KCNC4: variants seen among roughly 807,000 people sequenced by gnomAD.
KCNC4 encodes potassium voltage-gated channel subfamily C member 4.
Under a neutral mutation model 42.8 loss-of-function variants are expected in KCNC4, and 23 were observed. That is an observed-to-expected ratio of 0.54 (90% CI 0.39 to 0.76). The LOEUF (loss-of-function observed/expected upper bound fraction) is 0.76, where lower values mean the gene tolerates loss of function less well. Ranked by LOEUF, KCNC4 falls within the 30% of genes least tolerant of loss-of-function variation. KCNC4 has a pLI of 0.00. For synonymous variants in KCNC4, 422 were observed against 393.5 expected, an observed-to-expected ratio of 1.07 and a Z score of -0.86; for missense variants, 751 against 898.2, an observed-to-expected ratio of 0.84 and a Z score of 2.10.
intron 3 of KCNC4, among the ~76,000 whole-genome samples, chr1:110,231,011 A>G (rs951833112): frequency 1.8e-4 from 28 of 152,274 alleles, no homozygotes; most frequent in Middle Eastern, 6.8e-3. Flanking sequence ...TGCACCCACT[A>G]CTTTGTTGTC....
rs2101024590 is a variant in KCNC4 at position 110,226,158 on chromosome 1, C to T, written c.1799C>T (p.Ala600Val). 1 of 1,614,150 alleles carries T rather than the reference C, an allele frequency of 6.2e-7. No individual in the cohort carries two copies. Among genetic ancestry groups the T allele is most frequent in the East Asian group, 2.2e-5 (1 of 44,854 alleles). ...CTCAGCACTGGGGACTATGCCTGCG[C>T]CGATGGTAGTGTCCGGAAAGGTATG... ...FLLSTGDYACADGSVRKETCQ... is the reference protein window; with the variant it reads ...FLLSTGDYACVDGSVRKETCQ... The change falls in exon 3 of 4, where the codon GCC becomes GTC. Residue 600 changes from alanine to valine, a missense_variant. Ala to Val is a moderately conservative substitution (Grantham distance 64). Around this residue, in one of 4 missense-constraint regions of KCNC4, gnomAD observed 202 missense variants for 181.5 expected, o/e 1.11. Coordinates refer to ENST00000438661, the MANE Select transcript of KCNC4 (RefSeq NM_001039574.3).
downstream of KCNC4, among the ~76,000 whole-genome samples, chr1:110,249,395 G>C (rs937808926): frequency 2.0e-5 from 3 of 152,216 alleles, no homozygotes; most frequent in Non-Finnish European, 4.4e-5. Flanking sequence ...TCCTTGAGGA[G>C]AGAAGCTGTT....
At chr1:110,276,361 G>A (rs1197109407) in intron 1 of KCNC4, among the ~76,000 whole-genome samples, 1 of 150,672 alleles carries the variant, frequency 6.6e-6, no homozygotes, top group Non-Finnish European at 1.5e-5. Context: ...GTGAAGAATG[G>A]GTTAATAGAA....
Position 110,210,408 on chromosome 1 carries a change from A to G in KCNC4, c.-1092A>G, listed in dbSNP as rs905851982. ...GCCGAGGCGCCCCCTCCCCTATGCC[A>G]CCTCGCGCCCGCCCCCTGCCGCGCG... On this transcript the variant is annotated 5_prime_UTR_variant, in exon 1 of 4. Transcript: ENST00000438661. Among the ~76,000 whole-genome samples, 2 of 150,878 alleles carry G rather than the reference A, an allele frequency of 1.3e-5. No individual in the cohort carries two copies. The highest frequency in any genetic ancestry group is 4.9e-5 in the African/African-American group (2 of 41,056).
chr1:110,231,883 G>A (rs1001948714), intron 3 of KCNC4, among the ~76,000 whole-genome samples: 3 of 152,188 alleles, frequency 2.0e-5, no homozygotes, highest in Non-Finnish European at 4.4e-5. Flanking sequence ...TCCCTAGAAA[G>A]GTGATGGAGG....
intron 1 of KCNC4, among the ~76,000 whole-genome samples, chr1:110,267,538 C>A (rs1260689285): frequency 6.6e-6 from 1 of 152,196 alleles, no homozygotes; most frequent in African/African-American, 2.4e-5. Context: ...CCGGCTCCTG[C>A]TTCCTTCCCT....
At chr1:110,235,145 T>G (rs1658876115), downstream of KCNC4, 1 of 151,958 alleles carries the variant, frequency 6.6e-6, no homozygotes, top group Admixed American at 6.6e-5. Flanking sequence ...TTGGGCAGTG[T>G]AGAACAGCAG....
rs536127949 is a variant in KCNC4, at chr1:110,232,265, G to A, written c.1820-646G>A. ...CCTTCCCCTTCAGCATTCACCTGAG[G>A]CTGCATGCCCTCCAACTGCTGGGAC... On this transcript the variant is annotated intron_variant, in intron 3 of 3. Transcript: ENST00000438661. 150 of 1,613,990 alleles carry A rather than the reference G, an allele frequency of 9.3e-5. 2 individuals are homozygous for A. The South Asian group carries it at 1.5e-3, about 16-fold the overall frequency.
intron 3 of KCNC4, among the ~76,000 whole-genome samples, chr1:110,230,319 T>A (rs866727964): frequency 6.6e-6 from 1 of 151,888 alleles, no homozygotes; most frequent in Non-Finnish European, 1.5e-5. Flanking sequence ...GCCCTTGAAG[T>A]GACAGGGATG....
intron 1 of KCNC4, among the ~76,000 whole-genome samples, chr1:110,277,425 C>G (rs933919459): frequency 1.3e-5 from 2 of 152,178 alleles, no homozygotes; most frequent in Admixed American, 1.3e-4. Context: ...GACAGCCCAC[C>G]ACATTTCTTA....
chr1:110,268,624 A>AAAAAAAAAAAAAAG, intron 1 of KCNC4, among the ~76,000 whole-genome samples: 1 of 147,272 alleles, frequency 6.8e-6, no homozygotes, highest in African/African-American at 2.6e-5. Context: ...AAAAAAAAAA[A>AAAAAAAAAAAAAAG]AAAGAAAAGA....
At chr1:110,222,940 C>T (rs1241700135) in intron 1 of KCNC4, 24 bp from the exon 2 acceptor site, 1 of 1,583,654 alleles carries the variant, frequency 6.3e-7, no homozygotes, top group Non-Finnish European at 8.7e-7. Context: ...ACAGCTGCCC[C>T]CTGCTCTCCT....
intron 1 of KCNC4, among the ~76,000 whole-genome samples, chr1:110,260,857 G>C (rs758237994): frequency 2.0e-5 from 3 of 152,262 alleles, no homozygotes; most frequent in African/African-American, 7.2e-5. Flanking sequence ...GTGAACCGGG[G>C]AGGCGGAGCT....
exon 4 of KCNC4, chr1:110,245,024 T>G (rs538402802): frequency 5.3e-5 from 8 of 152,340 alleles, no homozygotes; most frequent in African/African-American, 1.9e-4. Context: ...TCCCTTCTTT[T>G]CTGAATGAGC....
At chr1:110,283,068 A>C (rs547725156) in exon 3 of KCNC4, 1 of 152,428 alleles carries the variant, frequency 6.6e-6, no homozygotes, top group South Asian at 2.1e-4. Context: ...TTGCTGCATT[A>C]AGACATGGTG....
chr1:110,223,540 G>C lies in KCNC4; in HGVS notation c.1255G>C (p.Asp419His). 1 of 1,613,924 alleles carries C rather than the reference G, an allele frequency of 6.2e-7. No homozygotes were observed. Among genetic ancestry groups the C allele is most frequent in the East Asian group, 2.2e-5 (1 of 44,874 alleles). Residue 419 changes from aspartate (D) to histidine (H), a missense_variant, in exon 2 of 4, where the codon GAC becomes CAC. By Grantham distance (81) the Asp-to-His change is moderately conservative. Coordinates refer to ENST00000438661, the MANE Select transcript of KCNC4 (RefSeq NM_001039574.3). This position sits in a 1 kb window ranked among gnomAD's most constrained non-coding sequence, Gnocchi z 7.5. ...PSDPRGNDHT[D>H]FKNIPIGFWW... ...CGACCCTCGGGGTAATGACCACACC[G>C]ACTTCAAGAACATCCCCATTGGCTT...
In KCNC4 at chr1:110,274,332, A is replaced by G. The variant is rs538472827; in HGVS notation, n.31-8202A>G. ...AAAGAATGAAATCCCAATGAGGAAA[A>G]CTACAAAACACTGATGAAAGAAACT... On this transcript the variant is annotated intron_variant and non_coding_transcript_variant, in intron 1 of 2. Coordinates refer to the KCNC4 transcript ENST00000412512. Among the ~76,000 whole-genome samples, 15 of 152,324 alleles carry G rather than the reference A, an allele frequency of 9.8e-5. No individual in the cohort carries two copies. The East Asian group carries it at 2.3e-3, about 23-fold the overall frequency.
downstream of KCNC4, among the ~76,000 whole-genome samples, chr1:110,251,228 T>G (rs1263719901): frequency 1.3e-5 from 2 of 152,204 alleles, no homozygotes; most frequent in Non-Finnish European, 2.9e-5. Flanking sequence ...CGAACGTTGT[T>G]ATGGTTTGGC....
intron 1 of KCNC4, among the ~76,000 whole-genome samples, chr1:110,214,971 G>C (rs1383592175): frequency 1.3e-5 from 2 of 151,870 alleles, no homozygotes; most frequent in African/African-American, 2.4e-5. Context: ...TCCCAGCCCT[G>C]TTCCCCCCGG....
Sources: allele counts gnomAD v4.1 joint callset (sites outside exome capture counted in the v4.1 genomes callset), GRCh38; gene constraint gnomAD v4.1.1; regional missense constraint gnomAD v4.1.1; non-coding constraint Gnocchi (gnomAD v3.1); transcripts MANE v1.5; gene names NCBI Gene and HGNC (gene_info 2026-07-23, HGNC 2026-07-21).